Variants in NT5DC2 observed in about 807,000 individuals in gnomAD.
The protein encoded by NT5DC2 is 5'-nucleotidase domain-containing protein 2.
NT5DC2 carries 41 observed loss-of-function variants against 70.0 expected under a neutral mutation model. That is an observed-to-expected ratio of 0.59 (90% CI 0.46 to 0.76). NT5DC2 has a LOEUF of 0.76. Among genes scored for constraint, NT5DC2 ranks in the 30% least tolerant of loss-of-function variants. The pLI is 0.00. For synonymous variants in NT5DC2, 299 were observed against 310.4 expected, an observed-to-expected ratio of 0.96 and a Z score of 0.39; for missense variants, 705 against 783.2, an observed-to-expected ratio of 0.90 and a Z score of 1.19.
chr3:52,530,468 C>A (rs1174195942), intron 1 of NT5DC2, among the ~76,000 whole-genome samples: 1 of 152,218 alleles, frequency 6.6e-6, no homozygotes, highest in Non-Finnish European at 1.5e-5. Flanking sequence ...GTCAGCCAGA[C>A]AAGACCAGGC....
rs2079328072 is a variant in NT5DC2 at position 52,529,300 on chromosome 3, G to C, written c.267C>G (p.Asn89Lys). 8.1e-6 allele frequency: 13 copies of C among 1,613,862 alleles called. No individual in the cohort carries two copies. The highest frequency in any genetic ancestry group is 9.3e-6 in the Non-Finnish European group (11 of 1,179,980). Reference sequence around the variant, plus strand: ...CGTTGTTGGCGTAGATGGCTGCTGGGTTCAGGAGACTGCAGACCTCGGGGG... The same window carrying C: ...CGTTGTTGGCGTAGATGGCTGCTGGCTTCAGGAGACTGCAGACCTCGGGGG... ...LLPPEVCSLL[N>K]PAAIYANNEI... The change falls in exon 2 of 14, where the codon AAC becomes AAG. Residue 89 changes from asparagine (N) to lysine (K), a missense_variant. Asn to Lys is a moderately conservative substitution (Grantham distance 94, BLOSUM62 0). Transcript: ENST00000422318. This position sits in a 1 kb window ranked among gnomAD's most constrained non-coding sequence, Gnocchi z 4.1.
Position 52,527,640 on chromosome 3 carries a change from G to A in NT5DC2, c.1014C>T (p.Pro338=), listed in dbSNP as rs756275455. 1 of 1,613,100 alleles carries A rather than the reference G, an allele frequency of 6.2e-7. No homozygotes were observed. Among genetic ancestry groups the A allele is most frequent in the Non-Finnish European group, 8.5e-7 (1 of 1,180,014 alleles). The part of the protein sequence containing the change: ...FDVVIVQADK[P]SFFTDRRKPF... ...ACTTGCGCCGGTCAGTGAAGAAGCT[G>A]GGCTTGTCTGCCTGGACAATGACCA... Residue 338 remains proline (P), a synonymous_variant, in exon 9 of 14, where the codon CCC becomes CCT. Transcript: ENST00000422318.
chr3:52,526,163 T>A (rs961880458), intron 10 of NT5DC2: 2 of 152,272 alleles, frequency 1.3e-5, no homozygotes, highest in African/African-American at 2.4e-5. Flanking sequence ...CTCACAAAGG[T>A]GTATGACCCT....
In NT5DC2 at chr3:52,533,546, G is replaced by T; in HGVS notation, c.192C>A (p.His64Gln). Residue 64 changes from histidine (H) to glutamine (Q), a missense_variant, in exon 1 of 14, where the codon CAC becomes CAA. Coordinates refer to ENST00000422318, the MANE Select transcript of NT5DC2 (RefSeq NM_001134231.2). The stretch of plus-strand genomic sequence containing the variant: ...GCATGTCCTGGTAGCGAGCCCATAG[G>T]TGCGCGCTGAGGTCGGCGCCGCTGG... The part of the protein sequence containing the change: ...APTSGADLSA[H>Q]LWARYQDMRR... 7.1e-7 allele frequency: 1 copy of T among 1,399,202 alleles called. No homozygotes were observed. Among genetic ancestry groups the T allele is most frequent in the Non-Finnish European group, 9.3e-7 (1 of 1,075,216 alleles). The allele number at this position is 1,399,202 out of a possible 1,614,324, so 86.7% of individuals were successfully genotyped here.
chr3:52,525,564 G>T (rs957172285), intron 10 of NT5DC2: 16 of 478,416 alleles, frequency 3.3e-5, no homozygotes, highest in African/African-American at 2.4e-4. Context: ...ACGTACCCCA[G>T]GTTAGGGATT....
At chr3:52,528,344 T>A in intron 5 of NT5DC2, 33 bp from the exon 6 acceptor site, 1 of 1,613,196 alleles carries the variant, frequency 6.2e-7, no homozygotes, top group South Asian at 1.1e-5. Context: ...AGACACCCTT[T>A]GGGACCCCAA....
chr3:52,534,455 T>C (rs1313062992), upstream of NT5DC2: 1 of 1,607,430 alleles, frequency 6.2e-7, no homozygotes, highest in African/African-American at 1.3e-5. Flanking sequence ...ACCAGGTGAC[T>C]GGGCCGTGCG....
chr3:52,534,593 A>T (rs1463522579), upstream of NT5DC2: 2 of 1,613,774 alleles, frequency 1.2e-6, no homozygotes, highest in African/African-American at 1.3e-5. Flanking sequence ...TTTTCTAGCA[A>T]CGTCGACAGG....
rs555618489 is a variant in NT5DC2, at chr3:52,530,922, C to T, written c.233-1588G>A. 4.4e-4 allele frequency among the ~76,000 whole-genome samples: 67 copies of T among 152,274 alleles called. No homozygotes were observed. In the East Asian group the frequency reaches 6.6e-3, roughly 15 times the overall value. On this transcript the variant is annotated intron_variant, in intron 1 of 13. Coordinates refer to ENST00000422318, the MANE Select transcript of NT5DC2 (RefSeq NM_001134231.2). ...CAGGCAGGACTAGATGTACAGGGTA[C>T]ATCTAGTACCCCTGCCTTGCAGGGG... is the stretch of plus-strand genomic sequence containing the variant.
Position 52,525,252 on chromosome 3 carries a change from G to C in NT5DC2, c.1163C>G (p.Pro388Arg), listed in dbSNP as rs767561163. 7 of 1,612,870 alleles carry C rather than the reference G, an allele frequency of 4.3e-6. No homozygotes were observed. The East Asian group carries it at 8.9e-5, about 21-fold the overall frequency. ...DFLRLTEWRG[P>R]RVLYFGDHLY... ...GTGGTCCCCGAAGTAGAGCACGCGG[G>C]GGCCACGCCATTCCGTCAAGCGTAA... Residue 388 changes from proline (P) to arginine (R), a missense_variant, in exon 11 of 14, where the codon CCC becomes CGC. Physicochemically the swap from Pro to Arg is moderately radical, Grantham distance 103 (BLOSUM62 -2). Coordinates refer to ENST00000422318, the MANE Select transcript of NT5DC2 (RefSeq NM_001134231.2).
Position 52,525,500 on chromosome 3 carries a change from C to T in NT5DC2, c.1120-205G>A, listed in dbSNP as rs1036281324. On this transcript the variant is annotated intron_variant, in intron 10 of 13. Transcript: ENST00000422318. ...ATTCTGCCTGCTGCAGGAAGGTGCC[C>T]TACAGGCCTGGCATGGTGCCCATGC... 29 of 594,638 alleles carry T rather than the reference C, an allele frequency of 4.9e-5. 1 individual carries two copies. In the South Asian group the frequency reaches 5.8e-4, roughly 12 times the overall value. 36.8% of individuals were successfully genotyped at this position (594,638 alleles called of 1,614,324 possible).
rs1407740599 is a variant in NT5DC2 at position 52,533,487 on chromosome 3, C to T, written c.232+19G>A. The T allele has an allele frequency of 2.7e-6, 4 of 1,495,010 alleles. No homozygotes were observed. The highest frequency in any genetic ancestry group is 3.6e-6 in the Non-Finnish European group (4 of 1,124,022). The allele number at this position is 1,495,010 out of a possible 1,614,324, so 92.6% of individuals were successfully genotyped here. On this transcript the variant is annotated intron_variant, in intron 1 of 13. Coordinates refer to ENST00000422318, the MANE Select transcript of NT5DC2 (RefSeq NM_001134231.2). ...ACGCGGAAGACACCCCGGCGCACGT[C>T]CCGCCCCGGCTCACCCACCGTGCAC...
At chr3:52,534,868 C>T (rs976747708), upstream of NT5DC2, 10 of 586,644 alleles carry the variant, frequency 1.7e-5, no homozygotes, top group Non-Finnish European at 3.0e-5. Context: ...AGTCCATGGC[C>T]TGGGGACTGG....
chr3:52,528,302 T>C lies in NT5DC2; in HGVS notation c.652A>G (p.Ile218Val), dbSNP rs760884787. ...GAGAAGATGTCCATGAACTGCTTAA[T>C]GGAGGGACCCTGGGGAGGGGGCCAT... ...MSGFYGKGPS[I>V]KQFMDIFSLP... Residue 218 changes from isoleucine (I) to valine (V), a missense_variant, in exon 6 of 14, where the codon ATT becomes GTT. Ile to Val is a conservative substitution (Grantham distance 29, BLOSUM62 3). Coordinates refer to ENST00000422318, the MANE Select transcript of NT5DC2 (RefSeq NM_001134231.2). 4.3e-6 allele frequency: 7 copies of C among 1,613,180 alleles called. No homozygotes were observed. The highest frequency in any genetic ancestry group is 5.1e-6 in the Non-Finnish European group (6 of 1,180,018).
chr3:52,527,941 C>T lies in NT5DC2; in HGVS notation c.833-10G>A, dbSNP rs2079302635. ...CTCAGGATGTACTTCTCTAATGGGG[C>T]AGATGAGTCTGTGAGGGTCAGTCCT... On this transcript the variant is annotated splice_polypyrimidine_tract_variant and intron_variant, in intron 7 of 13. Coordinates refer to ENST00000422318, the MANE Select transcript of NT5DC2 (RefSeq NM_001134231.2). 6.2e-7 allele frequency: 1 copy of T among 1,613,544 alleles called. No individual in the cohort carries two copies. The highest frequency in any genetic ancestry group is 2.2e-5 in the East Asian group (1 of 44,890).
chr3:52,532,020 C>T, intron 1 of NT5DC2: 1 of 191,124 alleles, frequency 5.2e-6, no homozygotes, highest in Non-Finnish European at 9.7e-6. Context: ...CTCAGCCTAG[C>T]CTCCCAATGT....
Position 52,524,424 on chromosome 3 carries a change from T to C in NT5DC2, c.*46A>G, listed in dbSNP as rs553480198. 3 of 1,611,824 alleles carry C rather than the reference T, an allele frequency of 1.9e-6. No homozygotes were observed. The South Asian group carries it at 3.3e-5, about 18-fold the overall frequency. On this transcript the variant is annotated 3_prime_UTR_variant, in exon 14 of 14. Transcript: ENST00000422318. The stretch of plus-strand genomic sequence containing the variant: ...CACTTTTATTGCTTGTCTGGGTGGA[T>C]GGGGCAGGAGGGGCTGAGGGCCTGT...
rs1184069950 is a variant in NT5DC2 at position 52,524,582 on chromosome 3, G to A, written c.1562C>T (p.Thr521Ile). The change falls in exon 14 of 14, where the codon ACC becomes ATC. Residue 521 changes from threonine to isoleucine, a missense_variant. By Grantham distance (89) the Thr-to-Ile change is moderately conservative. Coordinates refer to ENST00000422318, the MANE Select transcript of NT5DC2 (RefSeq NM_001134231.2). ...CAGCGGCGTACGGCGTGGGTAGAAGGTGAAGTCCACGCGGTAGTTGAGCAG... is the reference window on the plus strand; with the variant it reads ...CAGCGGCGTACGGCGTGGGTAGAAGATGAAGTCCACGCGGTAGTTGAGCAG... ...SCLLNYRVDF[T>I]FYPRRTPLQH... 2.5e-6 allele frequency: 4 copies of A among 1,613,212 alleles called. No homozygotes were observed. Among genetic ancestry groups the A allele is most frequent in the East Asian group, 2.2e-5 (1 of 44,882 alleles).
intron 5 of NT5DC2, 44 bp from the exon 6 acceptor site, chr3:52,528,355 C>A (rs748054021): frequency 1.2e-5 from 20 of 1,613,246 alleles, no homozygotes; most frequent in Admixed American, 5.0e-5. Flanking sequence ...GGGACCCCAA[C>A]CCCTTCAGTG....
Sources: gnomAD v4.1 joint callset for allele counts (sites outside exome capture counted in the v4.1 genomes callset) on GRCh38, gnomAD v4.1.1 for gene constraint, Gnocchi (gnomAD v3.1) non-coding constraint, MANE v1.5 for transcripts, NCBI Gene and HGNC (gene_info 2026-07-23, HGNC 2026-07-21) for gene names.